TBC1D5: variants seen among roughly 807,000 people sequenced by gnomAD.
TBC1D5 encodes the protein TBC1 domain family member 5.
Under a neutral mutation model 100.3 loss-of-function variants are expected in TBC1D5, and 75 were observed. The observed-to-expected ratio is 0.75, with a 90% CI of 0.62 to 0.91. TBC1D5 has a LOEUF of 0.91. Ranked by LOEUF, TBC1D5 falls within the 40% of genes least tolerant of loss-of-function variation. The pLI is 0.00. For synonymous variants in TBC1D5, 323 were observed against 325.6 expected (o/e 0.99, Z 0.09); for missense variants, 910 against 942.4 (o/e 0.97, Z 0.45).
At chr3:17,668,213 T>C (rs888373673) in intron 1 of TBC1D5, among the ~76,000 whole-genome samples, 21 of 149,476 alleles carry the variant, frequency 1.4e-4, no homozygotes, top group African/African-American at 3.2e-4. Flanking sequence ...ATTCAGAGCA[T>C]AGGGAAAGAA....
chr3:17,462,398 C>T lies in TBC1D5; in HGVS notation c.98-33879G>A, dbSNP rs139627232. On this transcript the variant is annotated intron_variant, in intron 3 of 21. Transcript: ENST00000253692. Reference sequence around the variant, plus strand: ...GTGCAATGGTGTGATCATAGCTCACCGCAGCCTCAAACTCCCAGGCTCAAG... The same window carrying T: ...GTGCAATGGTGTGATCATAGCTCACTGCAGCCTCAAACTCCCAGGCTCAAG... 5.4e-3 allele frequency among the ~76,000 whole-genome samples: 821 copies of T among 150,824 alleles called. 9 individuals are homozygous for T. The highest frequency in any genetic ancestry group is 0.019 in the African/African-American group (768 of 40,738).
chr3:17,600,581 G>C (rs1303290732), intron 2 of TBC1D5, among the ~76,000 whole-genome samples: 1 of 152,104 alleles, frequency 6.6e-6, no homozygotes, highest in Non-Finnish European at 1.5e-5. Flanking sequence ...TAAGAAAAAT[G>C]TTCGATGAGG....
At chr3:17,296,534 G>A (rs1345247274) in intron 14 of TBC1D5, among the ~76,000 whole-genome samples, 1 of 152,218 alleles carries the variant, frequency 6.6e-6, no homozygotes, top group Non-Finnish European at 1.5e-5. Context: ...AGTGGTCAGT[G>A]GGAGGCTGGG....
At chr3:17,609,886 A>G (rs1042560812) in intron 2 of TBC1D5, among the ~76,000 whole-genome samples, 1 of 152,188 alleles carries the variant, frequency 6.6e-6, no homozygotes, top group Non-Finnish European at 1.5e-5. Context: ...AAATGTCTCT[A>G]CCTGACATTC....
intron 2 of TBC1D5, among the ~76,000 whole-genome samples, chr3:17,573,461 GA>G (rs1456628135): frequency 6.6e-6 from 1 of 151,686 alleles, no homozygotes; most frequent in African/African-American, 2.4e-5. Flanking sequence ...ACTGCAATTT[GA>G]AACTATTTCT....
chr3:17,330,750 AC>A (rs2086767708), intron 13 of TBC1D5, among the ~76,000 whole-genome samples: 1 of 152,180 alleles, frequency 6.6e-6, no homozygotes, highest in Non-Finnish European at 1.5e-5. Flanking sequence ...AGCTGCCTGG[AC>A]ACTGGACTTC....
intron 1 of TBC1D5, among the ~76,000 whole-genome samples, chr3:17,698,846 T>C (rs112683681): frequency 0.54 from 71,359 of 132,026 alleles, 20,310 homozygotes; most frequent in East Asian, 0.98. Context: ...ACATGAGATA[T>C]CATCTCACAC....
At chr3:17,389,364 A>G (rs1304164195) in intron 8 of TBC1D5, among the ~76,000 whole-genome samples, 1 of 152,092 alleles carries the variant, frequency 6.6e-6, no homozygotes, top group Non-Finnish European at 1.5e-5. Context: ...TAGAAAGATG[A>G]AAGAGTCTGA....
chr3:17,420,591 T>G (rs1172952076), intron 4 of TBC1D5, among the ~76,000 whole-genome samples: 1 of 152,214 alleles, frequency 6.6e-6, no homozygotes, highest in Non-Finnish European at 1.5e-5. Flanking sequence ...TGCATTATTT[T>G]CTCAAATTTT....
intron 4 of TBC1D5, among the ~76,000 whole-genome samples, chr3:17,407,898 T>G (rs749104225): frequency 6.6e-6 from 1 of 152,182 alleles, no homozygotes; most frequent in African/African-American, 2.4e-5. Flanking sequence ...CTCATCACTC[T>G]ATTAGTTTAA....
At chr3:17,261,928 A>G (rs1338744469) in intron 15 of TBC1D5, among the ~76,000 whole-genome samples, 2 of 152,078 alleles carry the variant, frequency 1.3e-5, no homozygotes, top group African/African-American at 2.4e-5. Flanking sequence ...TCTAAAATAT[A>G]AGAGCTACTA....
At chr3:17,570,343 C>A (rs1053706575) in intron 2 of TBC1D5, among the ~76,000 whole-genome samples, 4 of 151,888 alleles carry the variant, frequency 2.6e-5, no homozygotes, top group African/African-American at 9.7e-5. Context: ...AAACAATTTA[C>A]AAACTAGGCA....
chr3:17,178,611 C>T (rs1231943154), intron 19 of TBC1D5, among the ~76,000 whole-genome samples: 1 of 152,018 alleles, frequency 6.6e-6, no homozygotes, highest in African/African-American at 2.4e-5. Context: ...AGTAGCTGTA[C>T]CAATTTATGT....
intron 16 of TBC1D5, among the ~76,000 whole-genome samples, chr3:17,256,604 T>C (rs1389314864): frequency 6.6e-6 from 1 of 151,846 alleles, no homozygotes; most frequent in Non-Finnish European, 1.5e-5. Flanking sequence ...GAAAAAGGTG[T>C]TGAAAATATT....
chr3:17,295,549 A>T (rs2082159607), intron 14 of TBC1D5, among the ~76,000 whole-genome samples: 1 of 152,258 alleles, frequency 6.6e-6, no homozygotes, highest in African/African-American at 2.4e-5. Flanking sequence ...AAGTGAAATC[A>T]GTAATGATAT....
intron 3 of TBC1D5, among the ~76,000 whole-genome samples, chr3:17,469,269 G>T (rs1328337492): frequency 6.6e-6 from 1 of 152,192 alleles, no homozygotes; most frequent in African/African-American, 2.4e-5. Context: ...TGTAGAAAAA[G>T]ATGGTATGAA....
chr3:17,487,693 A>C (rs1010063905), intron 3 of TBC1D5, among the ~76,000 whole-genome samples: 1 of 152,206 alleles, frequency 6.6e-6, no homozygotes, highest in African/African-American at 2.4e-5. Context: ...AACATATTTC[A>C]AATAAACTAA....
chr3:17,349,023 G>A (rs1486313003), intron 13 of TBC1D5, among the ~76,000 whole-genome samples: 1 of 152,054 alleles, frequency 6.6e-6, no homozygotes, highest in African/African-American at 2.4e-5. Context: ...AAAAAGAAAT[G>A]GGGAAAAGTA....
intron 4 of TBC1D5, among the ~76,000 whole-genome samples, chr3:17,410,985 T>C (rs1257121539): frequency 6.6e-6 from 1 of 152,148 alleles, no homozygotes; most frequent in Non-Finnish European, 1.5e-5. Flanking sequence ...CTGGGTAAGA[T>C]GCTGCCAAAC....
Sources: allele counts gnomAD v4.1 joint callset (sites outside exome capture counted in the v4.1 genomes callset), GRCh38; gene constraint gnomAD v4.1.1; transcripts MANE v1.5; gene names NCBI Gene and HGNC (gene_info 2026-07-23, HGNC 2026-07-21).